The following UGT1A10 variants were observed in gnomAD, a reference collection of about 807,000 sequenced individuals.
UGT1A10 encodes the protein UDP-glucuronosyltransferase 1A10.
A neutral mutation model predicts 45.8 loss-of-function variants in UGT1A10; 49 were observed. The ratio of observed to expected loss-of-function variants is 1.07; its 90% CI spans 0.85 to 1.36. The LOEUF is 1.36. Among genes scored for constraint, UGT1A10 ranks in the 40% most tolerant of loss-of-function variants. The pLI is 0.00. For missense variants in UGT1A10, 745 were observed against 668.6 expected (o/e 1.11, Z -1.26); for synonymous variants, 284 against 249.7 (o/e 1.14, Z -1.29).
chr2:233,762,228 C>T (rs1312160230), intron 1 of UGT1A10, among the ~76,000 whole-genome samples: 1 of 152,108 alleles, frequency 6.6e-6, no homozygotes, highest in Admixed American at 6.5e-5. Flanking sequence ...AATCTCAGCA[C>T]CTAAGGCACA....
At chr2:233,656,799 CTTG>C (rs781502559) in intron 1 of UGT1A10, among the ~76,000 whole-genome samples, 3 of 152,160 alleles carry the variant, frequency 2.0e-5, no homozygotes, top group African/African-American at 2.4e-5. Flanking sequence ...GTTCGATTCA[CTTG>C]TTGTGGGAGA....
intron 1 of UGT1A10, among the ~76,000 whole-genome samples, chr2:233,651,611 G>C (rs992253483): frequency 1.3e-5 from 2 of 152,164 alleles, no homozygotes; most frequent in African/African-American, 2.4e-5. Context: ...ACCTACAAAA[G>C]TGAACTGTCA....
rs111515388 is a variant in UGT1A10, at chr2:233,656,424, G to A, written c.855+19047G>A. On this transcript the variant is annotated intron_variant, in intron 1 of 4. Transcript: ENST00000344644. Reference sequence around the variant, plus strand: ...GTGGCTTATGGAACAAGGAATGGACGTCAGTTAGTCAGTGTCCGGTGGAGG... The same window carrying A: ...GTGGCTTATGGAACAAGGAATGGACATCAGTTAGTCAGTGTCCGGTGGAGG... Among the ~76,000 whole-genome samples the A allele has an allele frequency of 3.4e-3, 525 of 152,312 alleles. 3 individuals carry two copies. The highest frequency in any genetic ancestry group is 0.012 in the African/African-American group (506 of 41,566).
intron 1 of UGT1A10, among the ~76,000 whole-genome samples, chr2:233,756,600 G>A (rs1331506160): frequency 6.6e-6 from 1 of 152,122 alleles, no homozygotes; most frequent in Non-Finnish European, 1.5e-5. Flanking sequence ...TTACTGTATC[G>A]AAACCATTAA....
chr2:233,704,714 T>A (rs948754454), intron 1 of UGT1A10, among the ~76,000 whole-genome samples: 7 of 152,218 alleles, frequency 4.6e-5, no homozygotes, highest in African/African-American at 1.7e-4. Context: ...TAGCCCAATT[T>A]GCCTTTGCTC....
At chr2:233,641,003 A>T (rs139216611) in intron 1 of UGT1A10, among the ~76,000 whole-genome samples, 2 of 152,142 alleles carry the variant, frequency 1.3e-5, no homozygotes, top group Admixed American at 1.3e-4. Context: ...ATCTTCCTGC[A>T]CCCAGCGATC....
rs34903743 is a variant in UGT1A10 at position 233,767,311 on chromosome 2, T to G, written c.987+146T>G. 5,888 of 1,514,258 alleles carry G rather than the reference T, an allele frequency of 3.9e-3. 20 individuals carry two copies. Among genetic ancestry groups the G allele is most frequent in the Admixed American group, 4.9e-3 (211 of 43,394 alleles). The allele number at this position is 1,514,258 out of a possible 1,614,324, so 93.8% of individuals were successfully genotyped here. A position where few individuals can be genotyped will look rare whatever the true frequency, so the allele number is the denominator to read the frequency against. On this transcript the variant is annotated intron_variant, in intron 2 of 4. Coordinates refer to ENST00000344644, the MANE Select transcript of UGT1A10 (RefSeq NM_019075.4). Reference sequence around the variant, plus strand: ...CCCAACTATTAATCCAAAGGTTTTTTTTGTTGTTGTGGTTGTTGTCATTGT... The same window carrying G: ...CCCAACTATTAATCCAAAGGTTTTTGTTGTTGTTGTGGTTGTTGTCATTGT...
chr2:233,754,382 CAG>C (rs1431576597), intron 1 of UGT1A10: 1 of 288,696 alleles, frequency 3.5e-6, no homozygotes, highest in African/African-American at 2.2e-5. Flanking sequence ...GAAAGACAAA[CAG>C]AGGTCCTATC....
At chr2:233,654,237 T>C (rs2073804448) in intron 1 of UGT1A10, among the ~76,000 whole-genome samples, 1 of 152,200 alleles carries the variant, frequency 6.6e-6, no homozygotes, top group Admixed American at 6.5e-5. Context: ...TATTCTGTGA[T>C]TGTGATTTTT....
At chr2:233,757,560 A>ATATATATATATATATATATATG (rs904896556) in intron 1 of UGT1A10, among the ~76,000 whole-genome samples, 6 of 123,150 alleles carry the variant, frequency 4.9e-5, no homozygotes, top group African/African-American at 2.0e-4. Flanking sequence ...ATATATATAT[A>ATATATATATATATATATATATG]TGTATATATG....
intron 1 of UGT1A10, among the ~76,000 whole-genome samples, chr2:233,677,270 T>A (rs909595005): frequency 2.0e-5 from 3 of 152,220 alleles, no homozygotes; most frequent in Non-Finnish European, 2.9e-5. Flanking sequence ...AAGTATATCA[T>A]GTTTTTGATG....
chr2:233,717,785 A>G (rs559619766), intron 1 of UGT1A10: 1 of 456,340 alleles, frequency 2.2e-6, no homozygotes, highest in South Asian at 1.5e-5. Flanking sequence ...CCATTTTGAA[A>G]TTTGAAGTAG....
At chr2:233,725,000 C>T (rs545326443) in intron 1 of UGT1A10, among the ~76,000 whole-genome samples, 7 of 147,222 alleles carry the variant, frequency 4.8e-5, no homozygotes, top group Admixed American at 1.4e-4. Context: ...GGCTGGAGAC[C>T]GGCCCGGCCA....
In UGT1A10 at chr2:233,699,439, G is replaced by A. The variant is rs541562244; in HGVS notation, c.855+62062G>A. On this transcript the variant is annotated intron_variant, in intron 1 of 4. Transcript: ENST00000344644. ...TTTCATTATTAGAAGGGTCATTGGA[G>A]TGTTTTCCTTAGAACAAAGGAGGTC... Among the ~76,000 whole-genome samples, 3 of 152,324 alleles carry A rather than the reference G, an allele frequency of 2.0e-5. No homozygotes were observed. In the South Asian group the frequency reaches 6.2e-4, roughly 32 times the overall value.
In UGT1A10 at chr2:233,640,334, G is replaced by A. The variant is rs181021883; in HGVS notation, c.855+2957G>A. 2.7e-4 allele frequency among the ~76,000 whole-genome samples: 41 copies of A among 151,908 alleles called. 1 individual carries two copies. The South Asian group carries it at 8.4e-3, about 31-fold the overall frequency. ...TTCTGACCTTTTAAAGAAACTTTTT[G>A]GCTGTCATTTTTTTAGTGGAAATTC... is the stretch of plus-strand genomic sequence containing the variant. On this transcript the variant is annotated intron_variant, in intron 1 of 4. Transcript: ENST00000344644.
intron 1 of UGT1A10, among the ~76,000 whole-genome samples, chr2:233,697,135 A>C (rs899177042): frequency 2.0e-5 from 3 of 152,062 alleles, no homozygotes; most frequent in African/African-American, 7.2e-5. Context: ...TTTTTCTGTA[A>C]TAGTTTGAGT....
chr2:233,750,586 G>A (rs1377079508), intron 1 of UGT1A10: 2 of 151,926 alleles, frequency 1.3e-5, no homozygotes, highest in East Asian at 3.9e-4. Flanking sequence ...CAGGCCTGGA[G>A]GCCTAGGAAG....
intron 1 of UGT1A10, among the ~76,000 whole-genome samples, chr2:233,757,643 G>T (rs955610345): frequency 6.7e-6 from 1 of 150,102 alleles, no homozygotes; most frequent in Admixed American, 6.6e-5. Context: ...AGAACAAAAT[G>T]CTGTTTTTCT....
chr2:233,648,802 A>G (rs1381030913), intron 1 of UGT1A10: 2 of 948,656 alleles, frequency 2.1e-6, no homozygotes, highest in African/African-American at 1.6e-5. Flanking sequence ...AAGGAACCAC[A>G]TCTTCTACTT....
Sources: gnomAD v4.1 joint callset for allele counts (sites outside exome capture counted in the v4.1 genomes callset) on GRCh38, gnomAD v4.1.1 for gene constraint, MANE v1.5 for transcripts, NCBI Gene and HGNC (gene_info 2026-07-23, HGNC 2026-07-21) for gene names.